The following CCDC91 variants were observed in gnomAD, a reference collection of about 807,000 sequenced individuals.
The protein encoded by CCDC91 is coiled-coil domain containing 91.
CCDC91 carries 48 observed loss-of-function variants against 63.2 expected under a neutral mutation model. The observed-to-expected ratio is 0.76, with a 90% CI of 0.60 to 0.97. The LOEUF (loss-of-function observed/expected upper bound fraction) is 0.97, where lower values mean the gene tolerates loss of function less well. CCDC91 is among the 50% of genes least tolerant of loss of function. The pLI is 0.00. For synonymous variants in CCDC91, 167 were observed against 165.8 expected (o/e 1.01, Z -0.06); for missense variants, 500 against 494.6 (o/e 1.01, Z -0.10).
At chr12:28,383,169 A>T (rs536239550) in intron 7 of CCDC91, among the ~76,000 whole-genome samples, 204 of 152,194 alleles carry the variant, frequency 1.3e-3, no homozygotes, top group Non-Finnish European at 2.1e-4. Flanking sequence ...TGTGTCCTGA[A>T]GATTTTCTTT....
At chr12:28,399,666 A>G (rs748211150) in intron 8 of CCDC91, among the ~76,000 whole-genome samples, 35 of 152,256 alleles carry the variant, frequency 2.3e-4, no homozygotes, top group Non-Finnish European at 4.4e-4. Flanking sequence ...GGAGATACAG[A>G]CATTGGATAG....
At chr12:28,436,761 T>G (rs538949423) in intron 8 of CCDC91, among the ~76,000 whole-genome samples, 1 of 152,026 alleles carries the variant, frequency 6.6e-6, no homozygotes, top group South Asian at 2.1e-4. Flanking sequence ...CCAGATTTTT[T>G]TTTTATTATT....
chr12:28,459,717 A>C (rs1437223342), intron 11 of CCDC91, among the ~76,000 whole-genome samples: 1 of 152,196 alleles, frequency 6.6e-6, no homozygotes, highest in Non-Finnish European at 1.5e-5. Context: ...TTTGCTCTAC[A>C]GTGATGAATG....
intron 11 of CCDC91, among the ~76,000 whole-genome samples, chr12:28,458,454 CCTTTTTTTTTTTTTTTT>C (rs1566005721): frequency 1.4e-5 from 1 of 71,482 alleles, no homozygotes; most frequent in African/African-American, 8.1e-5. Flanking sequence ...CATTTGCACA[CCTTTTTTTTTTTTTTTT>C]TTTTTTTTTT....
intron 10 of CCDC91, 98 bp downstream of exon 10, chr12:28,450,516 C>T: frequency 1.1e-6 from 1 of 884,150 alleles, no homozygotes; most frequent in South Asian, 1.6e-5. Context: ...ATGTTTCATT[C>T]CATAAAAATC....
intron 3 of CCDC91, among the ~76,000 whole-genome samples, chr12:28,263,753 C>T (rs1280009685): frequency 6.6e-6 from 1 of 151,926 alleles, no homozygotes; most frequent in African/African-American, 2.4e-5. Flanking sequence ...GTGTTTTAAA[C>T]CTGTTGAATC....
chr12:28,247,324 C>T (rs11049479), intron 1 of CCDC91, among the ~76,000 whole-genome samples: 48 of 151,766 alleles, frequency 3.2e-4, no homozygotes, highest in African/African-American at 1.1e-3. Context: ...ACTAAAAATA[C>T]AAAAAATTAG....
At chr12:28,515,868 C>T (rs904906010) in intron 12 of CCDC91, among the ~76,000 whole-genome samples, 13 of 151,748 alleles carry the variant, frequency 8.6e-5, no homozygotes, top group Admixed American at 2.6e-4. Context: ...ACCAACATCC[C>T]GGACCCTCAC....
At chr12:28,225,789 G>A (rs1403760792) in intron 1 of CCDC91, 2 of 152,200 alleles carry the variant, frequency 1.3e-5, no homozygotes, top group Admixed American at 6.6e-5. Flanking sequence ...CCTTTGTTTT[G>A]TTTAGGCTTC....
Position 28,241,572 on chromosome 12 carries a change from C to T in CCDC91, c.-14-15630C>T, listed in dbSNP as rs77114233. On this transcript the variant is annotated intron_variant, in intron 1 of 12. Coordinates refer to ENST00000536442, the MANE Select transcript of CCDC91 (RefSeq NM_018318.5). The stretch of plus-strand genomic sequence containing the variant: ...TCATCTTTCTCTAGAGTTCTCGATG[C>T]GCATTTGGGTTGTTTGTGGGGTTTA... Among the ~76,000 whole-genome samples, 75 of 152,198 alleles carry T rather than the reference C, an allele frequency of 4.9e-4. No homozygotes were observed. In the East Asian group the frequency reaches 0.012, roughly 25 times the overall value.
intron 6 of CCDC91, among the ~76,000 whole-genome samples, chr12:28,327,779 G>A (rs1460506029): frequency 6.6e-6 from 1 of 152,134 alleles, no homozygotes; most frequent in South Asian, 2.1e-4. Context: ...ACTGGTGGGA[G>A]TGTCATTTAG....
At chr12:28,353,901 G>A (rs1392866306) in intron 6 of CCDC91, among the ~76,000 whole-genome samples, 3 of 152,184 alleles carry the variant, frequency 2.0e-5, no homozygotes, top group Admixed American at 2.0e-4. Flanking sequence ...TTGGAAGGTG[G>A]AGGGTGGGAG....
intron 3 of CCDC91, among the ~76,000 whole-genome samples, chr12:28,304,438 T>A (rs1938485384): frequency 7.2e-6 from 1 of 139,356 alleles, no homozygotes; most frequent in African/African-American, 2.7e-5. Flanking sequence ...TGCCTATGGG[T>A]GAAGCTAGAC....
chr12:28,335,143 T>C (rs1268801206), intron 6 of CCDC91, among the ~76,000 whole-genome samples: 3 of 142,714 alleles, frequency 2.1e-5, no homozygotes, highest in African/African-American at 7.6e-5. Flanking sequence ...TTATATTATA[T>C]ATATTTATAA....
chr12:28,440,215 A>G (rs1220413107), intron 8 of CCDC91, among the ~76,000 whole-genome samples: 1 of 152,188 alleles, frequency 6.6e-6, no homozygotes, highest in Non-Finnish European at 1.5e-5. Flanking sequence ...CTTTTCCTTA[A>G]CTAGTGGCTT....
chr12:28,230,217 C>T (rs1291550658), intron 1 of CCDC91, among the ~76,000 whole-genome samples: 1 of 152,082 alleles, frequency 6.6e-6, no homozygotes, highest in Non-Finnish European at 1.5e-5. Flanking sequence ...GGGAAATTGG[C>T]CAATGTATTT....
At chr12:28,351,649 C>T (rs1258098133) in intron 6 of CCDC91, among the ~76,000 whole-genome samples, 1 of 151,520 alleles carries the variant, frequency 6.6e-6, no homozygotes, top group Non-Finnish European at 1.5e-5. Flanking sequence ...GCTTTGCAAC[C>T]GTAGATCTAA....
intron 8 of CCDC91, among the ~76,000 whole-genome samples, chr12:28,424,798 GTTTTC>G (rs968578027): frequency 2.0e-5 from 3 of 152,044 alleles, no homozygotes; most frequent in Non-Finnish European, 4.4e-5. Flanking sequence ...GGTTTGTACT[GTTTTC>G]TTTAAGAATT....
intron 6 of CCDC91, among the ~76,000 whole-genome samples, chr12:28,350,731 T>A (rs1246447185): frequency 6.6e-6 from 1 of 152,200 alleles, no homozygotes; most frequent in Non-Finnish European, 1.5e-5. Context: ...CTCTTTCCTG[T>A]TCTCCTCCAG....
Sources: allele counts gnomAD v4.1 joint callset (sites outside exome capture counted in the v4.1 genomes callset), GRCh38; gene constraint gnomAD v4.1.1; transcripts MANE v1.5; gene names NCBI Gene and HGNC (gene_info 2026-07-23, HGNC 2026-07-21).